ADAM18: variants seen among roughly 807,000 people sequenced by gnomAD.
ADAM18 encodes ADAM metallopeptidase domain 18.
ADAM18 carries 117 observed loss-of-function variants against 94.4 expected under a neutral mutation model. The observed-to-expected ratio is 1.24, with a 90% CI of 1.07 to 1.45. The LOEUF is 1.45. ADAM18 is among the 40% of genes most tolerant of loss of function. ADAM18 has a pLI of 0.00. For synonymous variants in ADAM18, 327 were observed against 291.6 expected, an observed-to-expected ratio of 1.12 and a Z score of -1.24; for missense variants, 936 against 880.0, an observed-to-expected ratio of 1.06 and a Z score of -0.81.
chr8:39,613,337 C>T (rs1164260868), intron 6 of ADAM18, among the ~76,000 whole-genome samples: 2 of 152,200 alleles, frequency 1.3e-5, no homozygotes. Flanking sequence ...TTCAGCCCCC[C>T]AGGGTTAGAG....
intron 17 of ADAM18, among the ~76,000 whole-genome samples, chr8:39,699,778 A>C (rs1025110125): frequency 2.0e-5 from 3 of 152,146 alleles, no homozygotes; most frequent in Non-Finnish European, 2.9e-5. Context: ...ATCTTCAAGG[A>C]GTGACAGAGC....
intron 18 of ADAM18, among the ~76,000 whole-genome samples, chr8:39,713,677 A>G (rs1026358226): frequency 1.3e-5 from 2 of 152,228 alleles, no homozygotes; most frequent in African/African-American, 4.8e-5. Flanking sequence ...GCAGCCAAAA[A>G]ACACATGAAA....
At chr8:39,609,759 G>A (rs1000675881) in intron 5 of ADAM18, among the ~76,000 whole-genome samples, 198 bp downstream of exon 5, 5 of 152,064 alleles carry the variant, frequency 3.3e-5, no homozygotes, top group Non-Finnish European at 7.4e-5. Context: ...TCAATCCAGG[G>A]TTATCGTGGA....
chr8:39,706,729 A>C (rs1393362771), intron 17 of ADAM18, 61 bp from the exon 18 acceptor site: 6 of 789,870 alleles, frequency 7.6e-6, no homozygotes, highest in South Asian at 7.3e-5. Flanking sequence ...AGATACAAAG[A>C]CCTTGTATCA....
chr8:39,711,850 A>C (rs891687145), intron 18 of ADAM18, among the ~76,000 whole-genome samples: 3 of 152,074 alleles, frequency 2.0e-5, no homozygotes, highest in Non-Finnish European at 4.4e-5. Flanking sequence ...GGACTATTTG[A>C]AGACATAATG....
chr8:39,629,043 T>G (rs1795243923), intron 6 of ADAM18, among the ~76,000 whole-genome samples: 1 of 152,054 alleles, frequency 6.6e-6, no homozygotes. Context: ...GTTGCTATAG[T>G]CCTTCATAAG....
At chr8:39,629,758 A>C (rs1819881127) in intron 7 of ADAM18, among the ~76,000 whole-genome samples, 1 of 151,660 alleles carries the variant, frequency 6.6e-6, no homozygotes, top group African/African-American at 2.4e-5. Flanking sequence ...TTTTAAAGAC[A>C]TAATACAATT....
At chr8:39,718,539 T>C (rs1822643493) in intron 18 of ADAM18, among the ~76,000 whole-genome samples, 1 of 151,284 alleles carries the variant, frequency 6.6e-6, no homozygotes, top group Non-Finnish European at 1.5e-5. Context: ...AGAATGGTGG[T>C]TGTTGGGGTG....
intron 16 of ADAM18, among the ~76,000 whole-genome samples, chr8:39,684,258 C>G (rs758826018): frequency 6.6e-6 from 1 of 151,844 alleles, no homozygotes; most frequent in Non-Finnish European, 1.5e-5. Flanking sequence ...TTATAACTTC[C>G]AAAATTTTTT....
chr8:39,625,356 C>A (rs1203896546), intron 6 of ADAM18, among the ~76,000 whole-genome samples: 1 of 152,000 alleles, frequency 6.6e-6, no homozygotes, highest in Non-Finnish European at 1.5e-5. Flanking sequence ...TGGTGTATAG[C>A]CATGCTACTA....
chr8:39,703,443 C>T (rs1822145333), intron 17 of ADAM18, among the ~76,000 whole-genome samples: 1 of 151,986 alleles, frequency 6.6e-6, no homozygotes, highest in South Asian at 2.1e-4. Flanking sequence ...AATAATTTAC[C>T]TTCCTTTCTT....
chr8:39,626,706 A>G (rs1205009212), intron 6 of ADAM18, among the ~76,000 whole-genome samples: 3 of 151,996 alleles, frequency 2.0e-5, no homozygotes, highest in Non-Finnish European at 2.9e-5. Context: ...TTGTATTTCT[A>G]TAGTTTTGAG....
intron 10 of ADAM18, among the ~76,000 whole-genome samples, chr8:39,641,376 T>C (rs1345221496): frequency 6.6e-6 from 1 of 152,144 alleles, no homozygotes; most frequent in Non-Finnish European, 1.5e-5. Context: ...ACCAATACCA[T>C]GCTGTTTTGG....
rs1563292600 is a variant in ADAM18 at position 39,654,153 on chromosome 8, C to CTTT, written c.1230+5626_1230+5627insTTT. ...TTGCTGCCACTGACAGGATTTCATT[C>CTTT]CTTTTTTTTTTTTTTTTTTTTGGAG... On this transcript the variant is annotated intron_variant, in intron 12 of 19. Transcript: ENST00000265707. Among the ~76,000 whole-genome samples the CTTT allele has an allele frequency of 1.1e-3, 135 of 118,678 alleles. 17 individuals carry two copies. Among genetic ancestry groups the CTTT allele is most frequent in the Non-Finnish European group, 1.2e-3 (69 of 56,226 alleles). 77.9% of individuals were successfully genotyped at this position (118,678 alleles called of 152,430 possible).
chr8:39,620,538 C>T (rs556301464), intron 6 of ADAM18, among the ~76,000 whole-genome samples: 1 of 145,628 alleles, frequency 6.9e-6, no homozygotes, highest in East Asian at 2.0e-4. Context: ...TACAAGTAGC[C>T]AACTGTTATA....
chr8:39,648,458 T>G lies in ADAM18; in HGVS notation c.1161T>G (p.His387Gln), dbSNP rs1315798713. 2 of 1,613,210 alleles carry G rather than the reference T, an allele frequency of 1.2e-6. No homozygotes were observed. Among genetic ancestry groups the G allele is most frequent in the Admixed American group, 3.3e-5 (2 of 59,882 alleles). ...AGCTTTCAAATTTGCAACCATTACA[T>G]CAAAATCAACCAGTGTGTGGTAATG... ...LQKLSNLQPL[H>Q]QNQPVCGNGI... The change falls in exon 12 of 20, where the codon CAT (histidine) becomes CAG (glutamine). Residue 387 changes from histidine (H) to glutamine (Q), a missense_variant. Physicochemically the swap from His to Gln is conservative, Grantham distance 24. Coordinates refer to ENST00000265707, the MANE Select transcript of ADAM18 (RefSeq NM_014237.3).
intron 3 of ADAM18, among the ~76,000 whole-genome samples, chr8:39,608,694 A>G (rs1267524272): frequency 2.0e-5 from 3 of 152,018 alleles, no homozygotes; most frequent in Admixed American, 2.0e-4. Flanking sequence ...TGGCTGTCAC[A>G]AAGACTAAGG....
intron 14 of ADAM18, among the ~76,000 whole-genome samples, chr8:39,674,122 G>A (rs1490033682): frequency 2.0e-5 from 3 of 152,168 alleles, no homozygotes; most frequent in Non-Finnish European, 4.4e-5. Context: ...GGAGAGTTCT[G>A]TAGATGTCTA....
chr8:39,607,773 C>T (rs561416540), intron 3 of ADAM18, among the ~76,000 whole-genome samples: 45 of 149,452 alleles, frequency 3.0e-4, no homozygotes, highest in Admixed American at 2.7e-3. Context: ...TCTCATCTCT[C>T]GAATCTTAGA....
Sources: allele counts gnomAD v4.1 joint callset (sites outside exome capture counted in the v4.1 genomes callset), GRCh38; gene constraint gnomAD v4.1.1; transcripts MANE v1.5; gene names NCBI Gene and HGNC (gene_info 2026-07-23, HGNC 2026-07-21).